The following ZNF738 variants were observed in gnomAD, a reference collection of about 807,000 sequenced individuals.
The protein encoded by ZNF738 is zinc finger protein 738, also known as protein ZNF738.
In ZNF738, 10 loss-of-function variants were observed where a neutral mutation model predicts 9.2. The ratio of observed to expected loss-of-function variants is 1.09; its 90% CI spans 0.67 to 1.85. The LOEUF is 1.85. Ranked by LOEUF, ZNF738 falls within the 40% of genes most tolerant of loss-of-function variation. The probability of loss-of-function intolerance (pLI) is 0.00; values close to 1 mark genes in which losing one functional copy is unlikely to be tolerated. For missense variants in ZNF738, 346 were observed against 283.6 expected (o/e 1.22, Z -1.58); for synonymous variants, 113 against 94.5 (o/e 1.20, Z -1.14).
At chr19:21,359,178 G>A in intron 1 of ZNF738, 35 bp downstream of exon 1, 1 of 1,041,882 alleles carries the variant, frequency 9.6e-7, no homozygotes. Flanking sequence ...CGAGAGAGGG[G>A]AAGGGCTGGT....
intron 4 of ZNF738, among the ~76,000 whole-genome samples, chr19:21,380,919 C>G (rs1000450139): frequency 6.6e-6 from 1 of 152,102 alleles, no homozygotes; most frequent in African/African-American, 2.4e-5. Context: ...GCACACTGTT[C>G]AGGAAATGGA....
At chr19:21,381,735 C>T (rs2145241882) in intron 4 of ZNF738, 1 of 293,656 alleles carries the variant, frequency 3.4e-6, no homozygotes, top group Admixed American at 4.9e-5. Flanking sequence ...CCTCGTGATC[C>T]ACCCACCTCG....
At chr19:21,361,095 T>A (rs1469846519) in intron 1 of ZNF738, among the ~76,000 whole-genome samples, 1 of 151,274 alleles carries the variant, frequency 6.6e-6, no homozygotes, top group East Asian at 1.9e-4. Flanking sequence ...ATTACAGGCG[T>A]GAGCCACTGC....
intron 2 of ZNF738, among the ~76,000 whole-genome samples, chr19:21,370,729 G>C (rs2145227401): frequency 6.6e-6 from 1 of 152,222 alleles, no homozygotes; most frequent in South Asian, 2.1e-4. Flanking sequence ...CTTAGAATGT[G>C]CTAGAGCAGC....
chr19:21,375,285 G>A lies in ZNF738; in HGVS notation c.144G>A (p.Glu48=), dbSNP rs560204881. The A allele has an allele frequency of 1.1e-5, 13 of 1,150,534 alleles. No homozygotes were observed. In the South Asian group the frequency reaches 1.4e-4, roughly 12 times the overall value. 71.3% of individuals were successfully genotyped at this position (1,150,534 alleles called of 1,614,324 possible). The change falls in exon 3 of 5, where the codon GAG becomes GAA. Residue 48 remains glutamate, a synonymous_variant. Coordinates refer to ENST00000683779, the MANE Select transcript of ZNF738 (RefSeq NM_001355237.2). The part of the protein sequence containing the change: ...RDVVIEFSQE[E]WQCLDTAQQD... ...TGGTCATAGAATTCTCTCAGGAGGA[G>A]TGGCAATGCCTGGACACTGCTCAGC...
chr19:21,384,276 A>G lies in ZNF738; in HGVS notation c.*602A>G, dbSNP rs1372862269. On this transcript the variant is annotated 3_prime_UTR_variant, in exon 5 of 5. Coordinates refer to ENST00000683779, the MANE Select transcript of ZNF738 (RefSeq NM_001355237.2). ...ATGTGAAGAATGTGGCAAAGCCTTTAGTGTATTCTCAACCCTTACTAAACA... is the reference window on the plus strand; with the variant it reads ...ATGTGAAGAATGTGGCAAAGCCTTTGGTGTATTCTCAACCCTTACTAAACA... Among the ~76,000 whole-genome samples, 1 of 151,012 alleles carries G rather than the reference A, an allele frequency of 6.6e-6. No individual in the cohort carries two copies. Among genetic ancestry groups the G allele is most frequent in the African/African-American group, 2.4e-5 (1 of 41,068 alleles).
intron 1 of ZNF738, 86 bp from the exon 2 acceptor site, chr19:21,361,680 T>C (rs1365287660): frequency 1.4e-6 from 1 of 736,982 alleles, no homozygotes; most frequent in Non-Finnish European, 2.5e-6. Context: ...TTCAGTATTA[T>C]CTGGGGATAA....
In ZNF738 at chr19:21,368,072, C is replaced by G. The variant is rs184744167; in HGVS notation, c.96+6214C>G. ...CAAACAGTTCTTTCCAGTTATATTG[C>G]ACTCTTCTGCACGCATGGGTTTTTC... is the stretch of plus-strand genomic sequence containing the variant. On this transcript the variant is annotated intron_variant, in intron 2 of 4. Coordinates refer to ENST00000683779, the MANE Select transcript of ZNF738 (RefSeq NM_001355237.2). 2.8e-4 allele frequency among the ~76,000 whole-genome samples: 42 copies of G among 152,324 alleles called. 1 individual carries two copies. Among genetic ancestry groups the G allele is most frequent in the Admixed American group, 3.3e-4 (5 of 15,300 alleles).
rs750293108 is a variant in ZNF738, at chr19:21,368,934, T to A, written c.97-6304T>A. On this transcript the variant is annotated intron_variant, in intron 2 of 4. Coordinates refer to ENST00000683779, the MANE Select transcript of ZNF738 (RefSeq NM_001355237.2). ...TGTATTTTTAGTAGACACGGGGTTT[T>A]AGTATATTGGCCAGGCTGGTCTTGA... is the stretch of plus-strand genomic sequence containing the variant. 3.2e-4 allele frequency among the ~76,000 whole-genome samples: 49 copies of A among 152,144 alleles called. 1 individual carries two copies. The highest frequency in any genetic ancestry group is 1.3e-3 in the Admixed American group (20 of 15,268).
chr19:21,386,711 T>A lies in ZNF738; in HGVS notation c.*3037T>A, dbSNP rs1160216825. 5 of 168,360 alleles carry A rather than the reference T, an allele frequency of 3.0e-5. No individual in the cohort carries two copies. The highest frequency in any genetic ancestry group is 6.6e-5 in the Non-Finnish European group (5 of 76,326). The allele number at this position is 168,360 out of a possible 1,614,324, so 10.4% of individuals were successfully genotyped here. A position where few individuals can be genotyped will look rare whatever the true frequency, so the allele number is the denominator to read the frequency against. The stretch of plus-strand genomic sequence containing the variant: ...GCAAAAGCTTTAACTAGTTCTCAGT[T>A]ATTATTATTATTTTTAGAGATGGAG... On this transcript the variant is annotated 3_prime_UTR_variant, in exon 5 of 5. Transcript: ENST00000683779.
chr19:21,381,528 C>T (rs1974004335), intron 4 of ZNF738: 1 of 801,666 alleles, frequency 1.2e-6, no homozygotes, highest in Non-Finnish European at 2.1e-6. Context: ...GAGTCTCATT[C>T]TGTCACCCAG....
intron 2 of ZNF738, among the ~76,000 whole-genome samples, chr19:21,367,268 T>A (rs1973795876): frequency 2.0e-5 from 3 of 152,240 alleles, no homozygotes; most frequent in African/African-American, 7.2e-5. Context: ...TATTTTATAA[T>A]AAACTGGTAA....
At position 21,384,012 on chromosome 19, in the gene ZNF738, G is replaced by A. The variant is rs1478547327; in HGVS notation, c.*338G>A. The A allele has an allele frequency of 2.0e-6, 3 of 1,510,822 alleles. No individual in the cohort carries two copies. Among genetic ancestry groups the A allele is most frequent in the Non-Finnish European group, 2.8e-6 (3 of 1,090,344 alleles). The allele number at this position is 1,510,822 out of a possible 1,614,324, so 93.6% of individuals were successfully genotyped here. A position where few individuals can be genotyped will look rare whatever the true frequency, so the allele number is the denominator to read the frequency against. ...GAAACCCTACAAATGTGAAGAATGT[G>A]GCAAAGCTTTCTACCGATTCATTTA... On this transcript the variant is annotated 3_prime_UTR_variant, in exon 5 of 5. Transcript: ENST00000683779.
chr19:21,381,118 G>T, intron 4 of ZNF738: 2 of 724,432 alleles, frequency 2.8e-6, no homozygotes, highest in South Asian at 1.9e-5. Flanking sequence ...TCCTTACAAG[G>T]CAGCAGCACA....
chr19:21,377,989 ATGT>A (rs1166396524), intron 4 of ZNF738: 5 of 396,304 alleles, frequency 1.3e-5, no homozygotes, highest in African/African-American at 4.1e-5. Context: ...CTTCTTTCTT[ATGT>A]TGTTTTCTGT....
chr19:21,376,794 G>T (rs1212718475), intron 4 of ZNF738, among the ~76,000 whole-genome samples: 1 of 151,952 alleles, frequency 6.6e-6, no homozygotes, highest in African/African-American at 2.4e-5. Flanking sequence ...AAAGTGTTGG[G>T]ATTACAGGCG....
At chr19:21,374,983 A>C (rs535542981) in intron 2 of ZNF738, among the ~76,000 whole-genome samples, 5 of 152,294 alleles carry the variant, frequency 3.3e-5, no homozygotes, top group African/African-American at 9.6e-5. Context: ...GTTTGTGTTC[A>C]TGCCTTTCGT....
intron 2 of ZNF738, among the ~76,000 whole-genome samples, chr19:21,374,040 T>A (rs1973893519): frequency 6.6e-6 from 1 of 152,178 alleles, no homozygotes; most frequent in African/African-American, 2.4e-5. Flanking sequence ...CAGGAATTTT[T>A]GATCTGCACT....
chr19:21,368,081 G>T (rs1973809535), intron 2 of ZNF738, among the ~76,000 whole-genome samples: 1 of 152,178 alleles, frequency 6.6e-6, no homozygotes, highest in African/African-American at 2.4e-5. Flanking sequence ...GCACTCTTCT[G>T]CACGCATGGG....
Sources: allele counts gnomAD v4.1 joint callset (sites outside exome capture counted in the v4.1 genomes callset), GRCh38; gene constraint gnomAD v4.1.1; transcripts MANE v1.5; gene names NCBI Gene and HGNC (gene_info 2026-07-23, HGNC 2026-07-21).